SLC3A1: variants seen among roughly 807,000 people sequenced by gnomAD.
SLC3A1 encodes the protein solute carrier family 3 member 1, also known as amino acid transporter heavy chain SLC3A1.
In SLC3A1, 78 loss-of-function variants were observed where a neutral mutation model predicts 60.3. The observed-to-expected ratio is 1.29, with a 90% CI of 1.08 to 1.56. The LOEUF (loss-of-function observed/expected upper bound fraction) is 1.56, where lower values mean the gene tolerates loss of function less well. SLC3A1 is among the 40% of genes most tolerant of loss of function. SLC3A1 has a pLI of 0.00. For synonymous variants in SLC3A1, 392 were observed against 307.9 expected (o/e 1.27, Z -2.86); for missense variants, 1,172 against 858.9 (o/e 1.36, Z -4.56).
intron 3 of SLC3A1, among the ~76,000 whole-genome samples, chr2:44,282,849 G>A (rs1027617342): frequency 2.6e-5 from 4 of 151,976 alleles, no homozygotes; most frequent in Non-Finnish European, 5.9e-5. Flanking sequence ...GTAAAGACAG[G>A]GCCTCACTCT....
At chr2:44,312,082 A>C (rs1364800499) in intron 7 of SLC3A1, among the ~76,000 whole-genome samples, 1 of 152,218 alleles carries the variant, frequency 6.6e-6, no homozygotes, top group Non-Finnish European at 1.5e-5. Context: ...TAACATGGAA[A>C]TATATTTACA....
chr2:44,291,186 T>A (rs1310573392), intron 4 of SLC3A1, among the ~76,000 whole-genome samples: 1 of 152,216 alleles, frequency 6.6e-6, no homozygotes, highest in Non-Finnish European at 1.5e-5. Context: ...CTTCACTTTT[T>A]CTGCACAGAT....
rs549639587 is a variant in SLC3A1 at position 44,289,407 on chromosome 2, C to T, written c.891+3250C>T. On this transcript the variant is annotated intron_variant, in intron 4 of 9. Coordinates refer to ENST00000260649, the MANE Select transcript of SLC3A1 (RefSeq NM_000341.4). ...TGTATTTTTAGTAGAGACGGGGTTT[C>T]ACCATGTTGGCCAGGCTGGTCTCGA... is the stretch of plus-strand genomic sequence containing the variant. Among the ~76,000 whole-genome samples, 24 of 151,422 alleles carry T rather than the reference C, an allele frequency of 1.6e-4. No individual in the cohort carries two copies. The South Asian group carries it at 4.8e-3, about 30-fold the overall frequency.
intron 6 of SLC3A1, among the ~76,000 whole-genome samples, chr2:44,301,841 A>G (rs141495848): frequency 1.3e-5 from 2 of 151,598 alleles, no homozygotes; most frequent in South Asian, 2.1e-4. Context: ...AGGCTGGTGG[A>G]TCACCTGACG....
chr2:44,299,223 G>GAGAC (rs1671937118), intron 4 of SLC3A1, among the ~76,000 whole-genome samples: 1 of 151,884 alleles, frequency 6.6e-6, no homozygotes, highest in African/African-American at 2.4e-5. Context: ...ATTTTTAGTA[G>GAGAC]AGACAGGGTT....
chr2:44,316,161 G>C (rs1056897153), intron 9 of SLC3A1: 1 of 152,202 alleles, frequency 6.6e-6, no homozygotes, highest in South Asian at 2.1e-4. Flanking sequence ...AAAGCAAACA[G>C]ATCAAGAATC....
intron 9 of SLC3A1, chr2:44,314,844 A>C (rs952802465): frequency 1.3e-5 from 2 of 152,150 alleles, no homozygotes; most frequent in Admixed American, 1.3e-4. Context: ...GCCAAGGCCA[A>C]TCTGAATACA....
rs376256364 is a variant in SLC3A1, at chr2:44,320,417, G to C, written c.1836G>C (p.Ser612=). 4.3e-6 allele frequency: 7 copies of C among 1,613,942 alleles called. No individual in the cohort carries two copies. In the Admixed American group the frequency reaches 5.0e-5, roughly 12 times the overall value. The change falls in exon 10 of 10, where the codon TCG becomes TCC. Residue 612 remains serine, a synonymous_variant. Coordinates refer to ENST00000260649, the MANE Select transcript of SLC3A1 (RefSeq NM_000341.4). The part of the protein sequence containing the change: ...STLLNLHNMI[S]GLPAKMRIRL... ...TGTTAAATCTACATAATATGATTTCGGGCCTTCCCGCTAAAATGAGAATAA... is the reference window on the plus strand; with the variant it reads ...TGTTAAATCTACATAATATGATTTCCGGCCTTCCCGCTAAAATGAGAATAA...
intron 7 of SLC3A1, among the ~76,000 whole-genome samples, chr2:44,304,813 A>ATT (rs70965349): frequency 0.18 from 15,147 of 85,818 alleles, 3,027 homozygotes; most frequent in South Asian, 0.26. Context: ...CTTGAAAACA[A>ATT]TTTTTTTTTT....
intron 4 of SLC3A1, among the ~76,000 whole-genome samples, chr2:44,298,280 G>T (rs1443506375): frequency 6.6e-6 from 1 of 152,094 alleles, no homozygotes; most frequent in African/African-American, 2.4e-5. Flanking sequence ...GATCTTTCCT[G>T]TTAACTACAA....
At chr2:44,282,082 C>A (rs1572791191) in intron 3 of SLC3A1, among the ~76,000 whole-genome samples, 1 of 152,024 alleles carries the variant, frequency 6.6e-6, no homozygotes, top group Admixed American at 6.6e-5. Context: ...ATGTTGGCCA[C>A]TCTGGTCTTG....
At chr2:44,309,745 T>C (rs1672247234) in intron 7 of SLC3A1, among the ~76,000 whole-genome samples, 1 of 152,170 alleles carries the variant, frequency 6.6e-6, no homozygotes, top group African/African-American at 2.4e-5. Context: ...ATTACAGGCA[T>C]GTGCCAACAT....
At chr2:44,298,810 C>T (rs1017598816) in intron 4 of SLC3A1, among the ~76,000 whole-genome samples, 1 of 152,156 alleles carries the variant, frequency 6.6e-6, no homozygotes, top group Non-Finnish European at 1.5e-5. Context: ...CAGGCAATGA[C>T]TACCTTCTCT....
chr2:44,309,625 A>G (rs1389816616), intron 7 of SLC3A1, among the ~76,000 whole-genome samples: 1 of 152,138 alleles, frequency 6.6e-6, no homozygotes, highest in Non-Finnish European at 1.5e-5. Flanking sequence ...TTTGAGATGG[A>G]GTCTCACTGT....
Position 44,320,410 on chromosome 2 carries a change from T to G in SLC3A1, c.1829T>G (p.Met610Arg), listed in dbSNP as rs934090455. Residue 610 changes from methionine (M) to arginine (R), a missense_variant, in exon 10 of 10, where the codon ATG (methionine) becomes AGG (arginine). By Grantham distance (91) the Met-to-Arg change is moderately conservative (BLOSUM62 -1). Transcript: ENST00000260649. ...TCAACACTGTTAAATCTACATAATA[T>G]GATTTCGGGCCTTCCCGCTAAAATG... is the stretch of plus-strand genomic sequence containing the variant. The part of the protein sequence containing the change: ...GESTLLNLHN[M>R]ISGLPAKMRI... The G allele has an allele frequency of 6.2e-7, 1 of 1,614,092 alleles. No homozygotes were observed. Among genetic ancestry groups the G allele is most frequent in the East Asian group, 2.2e-5 (1 of 44,888 alleles).
rs1385031266 is a variant in SLC3A1 at position 44,305,070 on chromosome 2, A to G, written c.1332+732A>G. Among the ~76,000 whole-genome samples the G allele has an allele frequency of 5.3e-5, 8 of 152,040 alleles. No homozygotes were observed. The East Asian group carries it at 1.4e-3, about 26-fold the overall frequency. ...TGTCTTAAACTCCTGACCTCAGGTGATCTGCCTGCCCACCTTGGTCTCCCA... is the reference window on the plus strand; with the variant it reads ...TGTCTTAAACTCCTGACCTCAGGTGGTCTGCCTGCCCACCTTGGTCTCCCA... On this transcript the variant is annotated intron_variant, in intron 7 of 9. Coordinates refer to ENST00000260649, the MANE Select transcript of SLC3A1 (RefSeq NM_000341.4).
Position 44,280,835 on chromosome 2 carries a change from G to C in SLC3A1, c.550G>C (p.Asp184His). Reference protein sequence around the residue: ...RYGVEDFREVDPIFGTMEDFE... With the variant: ...RYGVEDFREVHPIFGTMEDFE... The stretch of plus-strand genomic sequence containing the variant: ...TGGTGTTGAAGATTTCCGGGAAGTT[G>C]ATCCCATTTTTGGAACGATGGAAGA... Residue 184 changes from aspartate (D) to histidine (H), a missense_variant, in exon 2 of 10, where the codon GAT becomes CAT. Physicochemically the swap from Asp to His is moderately conservative, Grantham distance 81. Transcript: ENST00000260649. 6.2e-7 allele frequency: 1 copy of C among 1,614,040 alleles called. No individual in the cohort carries two copies. Among genetic ancestry groups the C allele is most frequent in the South Asian group, 1.1e-5 (1 of 91,076 alleles).
intron 9 of SLC3A1, chr2:44,316,171 C>G (rs975293192): frequency 2.0e-5 from 3 of 152,212 alleles, no homozygotes; most frequent in African/African-American, 7.2e-5. Context: ...GATCAAGAAT[C>G]ACACAGCATC....
intron 4 of SLC3A1, among the ~76,000 whole-genome samples, chr2:44,286,398 T>C (rs1192626876): frequency 6.6e-6 from 1 of 152,224 alleles, no homozygotes; most frequent in Non-Finnish European, 1.5e-5. Flanking sequence ...TGTCTGTGAC[T>C]CCTTCCTTCA....
Sources: gnomAD v4.1 joint callset for allele counts (sites outside exome capture counted in the v4.1 genomes callset) on GRCh38, gnomAD v4.1.1 for gene constraint, MANE v1.5 for transcripts, NCBI Gene and HGNC (gene_info 2026-07-23, HGNC 2026-07-21) for gene names.